Variants in ARB2A observed in about 807,000 individuals in gnomAD.
The protein encoded by ARB2A is ARB2 cotranscriptional regulator A.
chr5:93,621,179 G>A, the ARB2A span: 1 of 1,532,356 alleles, frequency 6.5e-7, no homozygotes, highest in Middle Eastern at 1.9e-4. Context: ...GGGGCCAGGC[G>A]CGGTGAGGGC....
At chr5:93,819,185 C>CAAAAAA in the ARB2A span, among the ~76,000 whole-genome samples, 3 of 93,148 alleles carry the variant, frequency 3.2e-5, no homozygotes, top group South Asian at 4.7e-4. Context: ...AACTCCGTCT[C>CAAAAAA]AAAAAAAAAA....
chr5:93,857,566 C>T, the ARB2A span, among the ~76,000 whole-genome samples: 3 of 152,100 alleles, frequency 2.0e-5, no homozygotes, highest in East Asian at 1.9e-4. Context: ...AGCGAGACTC[C>T]ATGGGCGTAG....
chr5:94,055,855 T>C, the ARB2A span: 1 of 985,468 alleles, frequency 1.0e-6, no homozygotes, highest in Non-Finnish European at 1.2e-6. Context: ...TGTCCATACA[T>C]AAGCAGATCT....
the ARB2A span, among the ~76,000 whole-genome samples, chr5:93,915,758 T>C: frequency 1.3e-5 from 2 of 151,982 alleles, no homozygotes; most frequent in African/African-American, 4.8e-5. Context: ...TTAATACGTG[T>C]ATATTAGGTT....
chr5:93,657,454 G>A, the ARB2A span, among the ~76,000 whole-genome samples: 474 of 152,204 alleles, frequency 3.1e-3, 6 homozygotes, highest in African/African-American at 0.011. Flanking sequence ...TTAGAAAAAT[G>A]GTTATGATAA....
At chr5:93,887,256 TA>T in the ARB2A span, among the ~76,000 whole-genome samples, 5,342 of 81,270 alleles carry the variant, frequency 0.066, 172 homozygotes, top group African/African-American at 0.15. Flanking sequence ...AGTGAGTGGA[TA>T]AAAAAAAAAA....
the ARB2A span, among the ~76,000 whole-genome samples, chr5:93,837,335 G>T: frequency 6.6e-6 from 1 of 152,108 alleles, no homozygotes; most frequent in Non-Finnish European, 1.5e-5. Flanking sequence ...CGGTGTATAT[G>T]TGCTAAATTT....
At chr5:93,772,535 C>G in the ARB2A span, among the ~76,000 whole-genome samples, 65 of 152,244 alleles carry the variant, frequency 4.3e-4, no homozygotes, top group Admixed American at 3.8e-3. Flanking sequence ...GAACAAATAA[C>G]CCCAAAATTT....
At chr5:93,807,894 C>T in the ARB2A span, among the ~76,000 whole-genome samples, 1 of 152,086 alleles carries the variant, frequency 6.6e-6, no homozygotes, top group Admixed American at 6.6e-5. Flanking sequence ...ATTGAGACAT[C>T]TGCAGTAAAG....
chr5:93,728,985 T>C, the ARB2A span, among the ~76,000 whole-genome samples: 1 of 152,136 alleles, frequency 6.6e-6, no homozygotes, highest in African/African-American at 2.4e-5. Context: ...TGGCTATGGC[T>C]GTATTTTTAC....
At chr5:93,916,951 T>C in the ARB2A span, among the ~76,000 whole-genome samples, 1 of 152,232 alleles carries the variant, frequency 6.6e-6, no homozygotes, top group Non-Finnish European at 1.5e-5. Flanking sequence ...GATGTTATCA[T>C]AAAAAGAAAA....
chr5:93,800,423 A>ACACACG, the ARB2A span, among the ~76,000 whole-genome samples: 2 of 146,552 alleles, frequency 1.4e-5, no homozygotes, highest in African/African-American at 5.0e-5. Flanking sequence ...ACACACACAC[A>ACACACG]CGCACACAAA....
the ARB2A span, among the ~76,000 whole-genome samples, chr5:94,000,414 T>C: frequency 6.6e-6 from 1 of 152,124 alleles, no homozygotes; most frequent in African/African-American, 2.4e-5. Flanking sequence ...TGATGACATA[T>C]GATATGGAAC....
the ARB2A span, among the ~76,000 whole-genome samples, chr5:93,978,090 C>T: frequency 2.0e-5 from 3 of 152,080 alleles, no homozygotes; most frequent in Non-Finnish European, 4.4e-5. Context: ...ATTCAAATGG[C>T]TGTTATTCAA....
the ARB2A span, among the ~76,000 whole-genome samples, chr5:93,950,413 TG>T: frequency 6.6e-6 from 1 of 152,100 alleles, no homozygotes; most frequent in Non-Finnish European, 1.5e-5. Flanking sequence ...GTCATTTTGG[TG>T]GGTGGATCAC....
the ARB2A span, among the ~76,000 whole-genome samples, chr5:93,765,633 T>C: frequency 1.3e-5 from 2 of 152,184 alleles, no homozygotes; most frequent in African/African-American, 2.4e-5. Context: ...AGGTAATTTA[T>C]AGATTCAATG....
the ARB2A span, among the ~76,000 whole-genome samples, chr5:93,729,516 T>A: frequency 5.9e-5 from 9 of 152,228 alleles, no homozygotes; most frequent in East Asian, 1.9e-4. Flanking sequence ...ATGGTGAGTA[T>A]CATCATTTTG....
the ARB2A span, among the ~76,000 whole-genome samples, chr5:93,992,793 A>G: frequency 6.6e-6 from 1 of 152,100 alleles, no homozygotes; most frequent in Non-Finnish European, 1.5e-5. Context: ...AGATTGGACT[A>G]TATCAAAAGA....
chr5:93,964,425 T>C, the ARB2A span: 1 of 1,422,518 alleles, frequency 7.0e-7, no homozygotes, highest in Non-Finnish European at 9.6e-7. Flanking sequence ...AACATTTCAT[T>C]TGAAATAAAC....
Sources: gnomAD v4.1 joint callset for allele counts (sites outside exome capture counted in the v4.1 genomes callset) on GRCh38, gnomAD v4.1.1 for gene constraint, MANE v1.5 for transcripts, NCBI Gene and HGNC (gene_info 2026-07-23, HGNC 2026-07-21) for gene names.